HNF4G: variants seen among roughly 807,000 people sequenced by gnomAD.
HNF4G encodes the protein hepatocyte nuclear factor 4-gamma.
HNF4G carries 21 observed loss-of-function variants against 50.9 expected under a neutral mutation model. The ratio of observed to expected loss-of-function variants is 0.41; its 90% CI spans 0.29 to 0.59. HNF4G has a LOEUF of 0.59. Ranked by LOEUF, HNF4G falls within the 20% of genes least tolerant of loss-of-function variation. The pLI is 0.26. For synonymous variants in HNF4G, 198 were observed against 185.6 expected (o/e 1.07, Z -0.54); for missense variants, 527 against 559.4 (o/e 0.94, Z 0.58).
chr8:75,425,479 T>C (rs964100382), intron 1 of HNF4G, among the ~76,000 whole-genome samples: 2 of 151,456 alleles, frequency 1.3e-5, no homozygotes, highest in Non-Finnish European at 2.9e-5. Context: ...TTTTAACATA[T>C]ATCCTTGTAT....
At chr8:75,531,988 A>T (rs1045106936) in intron 2 of HNF4G, among the ~76,000 whole-genome samples, 1 of 152,042 alleles carries the variant, frequency 6.6e-6, no homozygotes, top group Non-Finnish European at 1.5e-5. Flanking sequence ...TAATGGCTTT[A>T]TATTATGTTT....
chr8:75,491,167 A>G (rs1812619830), intron 2 of HNF4G, among the ~76,000 whole-genome samples: 1 of 152,200 alleles, frequency 6.6e-6, no homozygotes, highest in Non-Finnish European at 1.5e-5. Flanking sequence ...AGTAATAATA[A>G]TAGTAATAAC....
intron 2 of HNF4G, among the ~76,000 whole-genome samples, chr8:75,510,408 A>G (rs1463717893): frequency 6.6e-6 from 1 of 152,222 alleles, no homozygotes; most frequent in Non-Finnish European, 1.5e-5. Flanking sequence ...AAAGTCTGCA[A>G]TAGTGTATCG....
chr8:75,507,207 C>G (rs1357373312), intron 2 of HNF4G, among the ~76,000 whole-genome samples: 1 of 151,536 alleles, frequency 6.6e-6, no homozygotes, highest in Non-Finnish European at 1.5e-5. Context: ...ATTACAATCT[C>G]TATCTCTATA....
intron 9 of HNF4G, among the ~76,000 whole-genome samples, chr8:75,560,952 A>G (rs1807295790): frequency 6.6e-6 from 1 of 152,206 alleles, no homozygotes; most frequent in Non-Finnish European, 1.5e-5. Context: ...ACTGTAATTA[A>G]AACATTAGGA....
intron 1 of HNF4G, among the ~76,000 whole-genome samples, chr8:75,469,811 G>A (rs1053561222): frequency 4.6e-5 from 7 of 151,918 alleles, no homozygotes; most frequent in Admixed American, 1.3e-4. Context: ...TGTCAGTTTC[G>A]ATGGAGTATT....
chr8:75,419,702 T>C (rs988187784), intron 1 of HNF4G, among the ~76,000 whole-genome samples: 2 of 152,228 alleles, frequency 1.3e-5, no homozygotes, highest in Non-Finnish European at 1.5e-5. Flanking sequence ...TCACTGACAA[T>C]GTAATTGCAG....
At chr8:75,435,354 C>T (rs1008556162) in intron 1 of HNF4G, among the ~76,000 whole-genome samples, 3 of 152,118 alleles carry the variant, frequency 2.0e-5, no homozygotes, top group Admixed American at 2.0e-4. Context: ...AATGTCAATT[C>T]GTGTTTTTGT....
chr8:75,482,428 A>G (rs1014639087), intron 1 of HNF4G, among the ~76,000 whole-genome samples: 57 of 151,704 alleles, frequency 3.8e-4, no homozygotes, highest in African/African-American at 1.3e-3. Context: ...GTGCAGTGGC[A>G]CAATCTTTGC....
chr8:75,480,017 T>G (rs1812338380), intron 1 of HNF4G, among the ~76,000 whole-genome samples: 1 of 152,104 alleles, frequency 6.6e-6, no homozygotes, highest in Non-Finnish European at 1.5e-5. Context: ...AAAAGTGTTA[T>G]TTTTTGGAAA....
Position 75,559,002 on chromosome 8 carries a change from A to G in HNF4G, c.1088A>G (p.Lys363Arg). 6.2e-7 allele frequency: 1 copy of G among 1,609,762 alleles called. No individual in the cohort carries two copies. The highest frequency in any genetic ancestry group is 1.1e-5 in the South Asian group (1 of 90,992). ...TTTGTTAAACTTTTTGGGATGGTTAAAATTGACAATCTACTTCAGGAAATG... is the reference window on the plus strand; with the variant it reads ...TTTGTTAAACTTTTTGGGATGGTTAGAATTGACAATCTACTTCAGGAAATG... Reference protein sequence around the residue: ...IQFVKLFGMVKIDNLLQEMLL... With the variant: ...IQFVKLFGMVRIDNLLQEMLL... Residue 363 changes from lysine (K) to arginine (R), a missense_variant, in exon 8 of 10, where the codon AAA (lysine) becomes AGA (arginine). Around this residue, in one of 5 missense-constraint regions of HNF4G, gnomAD observed 308 missense variants for 301.5 expected, o/e 1.02. Transcript: ENST00000396423.
intron 1 of HNF4G, among the ~76,000 whole-genome samples, chr8:75,461,686 A>G (rs1018030660): frequency 1.3e-5 from 2 of 151,662 alleles, no homozygotes; most frequent in East Asian, 3.9e-4. Context: ...CAAGACCCCA[A>G]GTAGATGCCT....
chr8:75,481,620 C>T (rs830778), intron 1 of HNF4G, among the ~76,000 whole-genome samples: 122,424 of 152,098 alleles, frequency 0.8, 50,088 homozygotes, highest in African/African-American at 0.95. Context: ...TAGAAGATAA[C>T]GGTGGGACCC....
chr8:75,412,083 T>C (rs1367777753), intron 1 of HNF4G, among the ~76,000 whole-genome samples: 1 of 152,210 alleles, frequency 6.6e-6, no homozygotes, highest in East Asian at 1.9e-4. Context: ...TATATTTATA[T>C]ACACAAAGTA....
intron 1 of HNF4G, among the ~76,000 whole-genome samples, chr8:75,481,473 T>C (rs1812377219): frequency 6.7e-6 from 1 of 148,534 alleles, no homozygotes; most frequent in Non-Finnish European, 1.5e-5. Flanking sequence ...TTCCCTGGAA[T>C]TTTGAAAACA....
chr8:75,429,864 A>G (rs1810965967), intron 1 of HNF4G, among the ~76,000 whole-genome samples: 1 of 152,282 alleles, frequency 6.6e-6, no homozygotes, highest in Non-Finnish European at 1.5e-5. Context: ...CATTAGCAAA[A>G]AACCTAAAGA....
At chr8:75,540,362 C>T (rs758917937) in intron 1 of HNF4G, among the ~76,000 whole-genome samples, 9 of 152,050 alleles carry the variant, frequency 5.9e-5, no homozygotes, top group Non-Finnish European at 7.4e-5. Context: ...GTAGTCTCAG[C>T]TGTTATTTTA....
chr8:75,451,964 C>T (rs1455148979), intron 1 of HNF4G, among the ~76,000 whole-genome samples: 2 of 152,164 alleles, frequency 1.3e-5, no homozygotes, highest in Admixed American at 1.3e-4. Context: ...TCTGAAGGCC[C>T]AGGCACCTAA....
At chr8:75,541,494 C>T (rs1806621196) in intron 1 of HNF4G, among the ~76,000 whole-genome samples, 1 of 151,882 alleles carries the variant, frequency 6.6e-6, no homozygotes, top group African/African-American at 2.4e-5. Flanking sequence ...CATGACTAAC[C>T]CTAAGCATAT....
Sources: gnomAD v4.1 joint callset for allele counts (sites outside exome capture counted in the v4.1 genomes callset) on GRCh38, gnomAD v4.1.1 for gene constraint, gnomAD v4.1.1 regional missense constraint, MANE v1.5 for transcripts, NCBI Gene and HGNC (gene_info 2026-07-23, HGNC 2026-07-21) for gene names.